AFG2A: variants seen among roughly 807,000 people sequenced by gnomAD.
The protein encoded by AFG2A is AAA ATPase AFG2A.
At chr4:123,257,567 G>A in the AFG2A span, among the ~76,000 whole-genome samples, 3 of 152,200 alleles carry the variant, frequency 2.0e-5, no homozygotes, top group Non-Finnish European at 2.9e-5. Context: ...AGCTTGAGAA[G>A]CAGTTGAAGT....
chr4:123,077,910 G>A, the AFG2A span, among the ~76,000 whole-genome samples: 1 of 152,162 alleles, frequency 6.6e-6, no homozygotes, highest in African/African-American at 2.4e-5. Flanking sequence ...CCCAGTTAGT[G>A]CCTTGCTCAT....
the AFG2A span, among the ~76,000 whole-genome samples, chr4:122,971,271 G>A: frequency 6.6e-6 from 1 of 152,088 alleles, no homozygotes; most frequent in Non-Finnish European, 1.5e-5. Flanking sequence ...GCTGAGCGTG[G>A]TGGTATGCAC....
the AFG2A span, among the ~76,000 whole-genome samples, chr4:123,104,134 C>T: frequency 6.6e-6 from 1 of 152,102 alleles, no homozygotes; most frequent in Non-Finnish European, 1.5e-5. Context: ...TGTGGTAACC[C>T]TGCAAGTCCA....
At chr4:123,006,155 A>G in the AFG2A span, among the ~76,000 whole-genome samples, 1 of 151,160 alleles carries the variant, frequency 6.6e-6, no homozygotes, top group South Asian at 2.1e-4. Flanking sequence ...TTAGAAAGCT[A>G]TTTTAACTGA....
the AFG2A span, among the ~76,000 whole-genome samples, chr4:123,119,475 T>C: frequency 6.6e-6 from 1 of 152,316 alleles, no homozygotes. Context: ...TGACATATTT[T>C]GCTTTCCAGT....
At chr4:122,934,539 A>G in the AFG2A span, 1 of 1,614,200 alleles carries the variant, frequency 6.2e-7, no homozygotes, top group Non-Finnish European at 8.5e-7. Flanking sequence ...GCATAGGAGC[A>G]AAGTGCAATA....
chr4:123,212,177 A>G, the AFG2A span, among the ~76,000 whole-genome samples: 1 of 152,094 alleles, frequency 6.6e-6, no homozygotes, highest in Non-Finnish European at 1.5e-5. Context: ...ATTTCCTTAC[A>G]GTATTTTCCA....
the AFG2A span, among the ~76,000 whole-genome samples, chr4:123,004,403 C>T: frequency 6.6e-6 from 1 of 152,236 alleles, no homozygotes; most frequent in Non-Finnish European, 1.5e-5. Context: ...TTCTGCGTTG[C>T]TCACGCTGGG....
the AFG2A span, chr4:122,934,838 A>G: frequency 7.1e-7 from 1 of 1,407,976 alleles, no homozygotes; most frequent in East Asian, 2.4e-5. Context: ...TCCTGTTTTT[A>G]TTTTCTGAGT....
the AFG2A span, among the ~76,000 whole-genome samples, chr4:123,200,677 TA>T: frequency 6.6e-6 from 1 of 152,180 alleles, no homozygotes; most frequent in Admixed American, 6.5e-5. Flanking sequence ...CTGTAAAAAA[TA>T]AAGTGCTTGT....
the AFG2A span, among the ~76,000 whole-genome samples, chr4:123,172,439 G>A: frequency 6.6e-6 from 1 of 152,142 alleles, no homozygotes; most frequent in African/African-American, 2.4e-5. Flanking sequence ...CATAAACTTA[G>A]CCATCAAAGT....
the AFG2A span, among the ~76,000 whole-genome samples, chr4:123,253,574 C>T: frequency 2.0e-5 from 3 of 151,976 alleles, no homozygotes; most frequent in South Asian, 4.2e-4. Context: ...CACTTGAGTG[C>T]AGGAGGTGGA....
chr4:122,944,123 C>T, the AFG2A span, among the ~76,000 whole-genome samples: 1 of 152,256 alleles, frequency 6.6e-6, no homozygotes, highest in South Asian at 2.1e-4. Context: ...CTTGGAATTG[C>T]TCTTCTCGAG....
At chr4:123,244,821 C>G in the AFG2A span, among the ~76,000 whole-genome samples, 1 of 152,140 alleles carries the variant, frequency 6.6e-6, no homozygotes, top group Non-Finnish European at 1.5e-5. Flanking sequence ...CTTCTGTATA[C>G]CTAGTAGGTG....
chr4:123,058,447 A>G, the AFG2A span, among the ~76,000 whole-genome samples: 1 of 152,286 alleles, frequency 6.6e-6, no homozygotes, highest in African/African-American at 2.4e-5. Context: ...CCACATGGTG[A>G]AACGCTGTCT....
At chr4:123,098,484 C>A in the AFG2A span, among the ~76,000 whole-genome samples, 1 of 151,952 alleles carries the variant, frequency 6.6e-6, no homozygotes, top group Non-Finnish European at 1.5e-5. Flanking sequence ...TCCTGTTTAA[C>A]TGAAGGTTTG....
the AFG2A span, among the ~76,000 whole-genome samples, chr4:123,096,666 C>G: frequency 1.3e-5 from 2 of 152,008 alleles, no homozygotes; most frequent in Non-Finnish European, 2.9e-5. Context: ...AAATTATAAG[C>G]ATTATCCCTA....
chr4:123,232,880 C>A, the AFG2A span, among the ~76,000 whole-genome samples: 1 of 152,034 alleles, frequency 6.6e-6, no homozygotes, highest in African/African-American at 2.4e-5. Context: ...AGCTAACTGT[C>A]AATTCTTAGC....
At chr4:123,023,452 A>T in the AFG2A span, among the ~76,000 whole-genome samples, 11 of 152,214 alleles carry the variant, frequency 7.2e-5, no homozygotes, top group African/African-American at 2.7e-4. Flanking sequence ...ATTGAGAGAA[A>T]GAACTTCCTC....
Sources: allele counts gnomAD v4.1 joint callset (sites outside exome capture counted in the v4.1 genomes callset), GRCh38; gene constraint gnomAD v4.1.1; transcripts MANE v1.5; gene names NCBI Gene and HGNC (gene_info 2026-07-23, HGNC 2026-07-21).